Variants in SPATA20 observed in about 807,000 individuals in gnomAD.
SPATA20 encodes spermatogenesis-associated protein 20.
A neutral mutation model predicts 98.9 loss-of-function variants in SPATA20; 74 were observed. The ratio of observed to expected loss-of-function variants is 0.75; its 90% CI spans 0.62 to 0.91. SPATA20 has a LOEUF of 0.91. Among genes scored for constraint, SPATA20 ranks in the 40% least tolerant of loss-of-function variants. SPATA20 has a pLI of 0.00. For synonymous variants in SPATA20, 430 were observed against 440.5 expected, an observed-to-expected ratio of 0.98 and a Z score of 0.30; for missense variants, 1,016 against 1,069.8, an observed-to-expected ratio of 0.95 and a Z score of 0.70.
chr17:50,554,885 C>CTGTGTG lies in SPATA20; in HGVS notation c.2158-308_2158-303dup, dbSNP rs3062812. 2.7e-3 allele frequency among the ~76,000 whole-genome samples: 382 copies of CTGTGTG among 141,530 alleles called. 1 individual carries two copies. The highest frequency in any genetic ancestry group is 3.6e-3 in the Middle Eastern group (1 of 276). 92.8% of individuals were successfully genotyped at this position (141,530 alleles called of 152,430 possible). On this transcript the variant is annotated intron_variant, in intron 15 of 16. Coordinates refer to ENST00000006658, the MANE Select transcript of SPATA20 (RefSeq NM_022827.4). The stretch of plus-strand genomic sequence containing the variant: ...GTATCTGCCTCTGTGTGGGCATCTA[C>CTGTGTG]TGTGTGTGTGTGTGTGTGTGTGTGT...
chr17:50,553,521 C>T (rs1367855409), intron 14 of SPATA20, among the ~76,000 whole-genome samples: 3 of 150,496 alleles, frequency 2.0e-5, no homozygotes, highest in Admixed American at 6.6e-5. Context: ...AGGAGGGCAC[C>T]GAGGAGAATG....
chr17:50,553,610 C>G lies in SPATA20; in HGVS notation c.1958-641C>G, dbSNP rs1205972525. On this transcript the variant is annotated intron_variant, in intron 14 of 16. Transcript: ENST00000006658. ...AGAAGGCTGGTCTCAAACTCCTGGG[C>G]TCAGGTGATCCTCCCGCCTCGGCTT... is the stretch of plus-strand genomic sequence containing the variant. Among the ~76,000 whole-genome samples, 3 of 148,268 alleles carry G rather than the reference C, an allele frequency of 2.0e-5. No individual in the cohort carries two copies. The East Asian group carries it at 6.3e-4, about 31-fold the overall frequency.
rs2035026631 is a variant in SPATA20 at position 50,552,117 on chromosome 17, G to C, written c.1894G>C (p.Gly632Arg). ...TQDKLFWDSQ[G>R]GGYFCSEAEL... Reference sequence around the variant, plus strand: ...GGACAAGCTCTTTTGGGACTCCCAGGGTGGCGGCTACTTCTGCAGTGAGGC... The same window carrying C: ...GGACAAGCTCTTTTGGGACTCCCAGCGTGGCGGCTACTTCTGCAGTGAGGC... Residue 632 changes from glycine to arginine, a missense_variant, in exon 14 of 17, where the codon GGT (glycine) becomes CGT (arginine). Physicochemically the swap from Gly to Arg is moderately radical, Grantham distance 125. Coordinates refer to ENST00000006658, the MANE Select transcript of SPATA20 (RefSeq NM_022827.4). 6.2e-7 allele frequency: 1 copy of C among 1,613,838 alleles called. No homozygotes were observed. The highest frequency in any genetic ancestry group is 2.2e-5 in the East Asian group (1 of 44,876).
rs1204146239 is a variant in SPATA20 at position 50,552,094 on chromosome 17, A to G, written c.1871A>G (p.Asp624Gly). 1.2e-6 allele frequency: 2 copies of G among 1,613,754 alleles called. No individual in the cohort carries two copies. The highest frequency in any genetic ancestry group is 1.7e-6 in the Non-Finnish European group (2 of 1,179,964). Residue 624 changes from aspartate to glycine, a missense_variant, in exon 14 of 17, where the codon GAC (aspartate) becomes GGC (glycine). Physicochemically the swap from Asp to Gly is moderately conservative, Grantham distance 94 (BLOSUM62 -1). Coordinates refer to ENST00000006658, the MANE Select transcript of SPATA20 (RefSeq NM_022827.4). ...EWALRLQDTQ[D>G]KLFWDSQGGG... ...GCTCTGCGGCTGCAGGACACACAGG[A>G]CAAGCTCTTTTGGGACTCCCAGGGT...
At chr17:50,548,696 C>T (rs995906101) in intron 4 of SPATA20, 78 bp downstream of exon 4, 48 of 1,585,984 alleles carry the variant, frequency 3.0e-5, no homozygotes, top group Admixed American at 7.0e-5. Flanking sequence ...CTCGGCCTGG[C>T]GGGTCTTCCA....
rs770617250 is a variant in SPATA20, at chr17:50,555,309, C to T, written c.2235C>T (p.Asn745=). The T allele has an allele frequency of 6.2e-7, 1 of 1,613,874 alleles. No homozygotes were observed. Among genetic ancestry groups the T allele is most frequent in the Admixed American group, 1.7e-5 (1 of 60,000 alleles). Residue 745 remains asparagine, a synonymous_variant, in exon 16 of 17, where the codon AAC becomes AAT. Transcript: ENST00000006658. ...GCGTCCACTCTGTCTACATTCCTAACAAGGTACCCATCCCTGTGAGCCCAA... is the reference window on the plus strand; with the variant it reads ...GCGTCCACTCTGTCTACATTCCTAATAAGGTACCCATCCCTGTGAGCCCAA... ...VQCVHSVYIP[N]KVLILADGDP...
rs1361557185 is a variant in SPATA20, at chr17:50,555,516, C to A, written c.2263C>A (p.Pro755Thr). Residue 755 changes from proline to threonine, a missense_variant, in exon 17 of 17, where the codon CCC (proline) becomes ACC (threonine). Transcript: ENST00000006658. ...GGTGCTGATTCTGGCTGATGGGGAC[C>A]CCTCGAGCTTCCTGTCCCGCCAGCT... ...NKVLILADGDPSSFLSRQLPF... is the reference protein window; with the variant it reads ...NKVLILADGDTSSFLSRQLPF... The A allele has an allele frequency of 5.0e-6, 8 of 1,613,854 alleles. No homozygotes were observed. The African/African-American group carries it at 1.1e-4, about 22-fold the overall frequency.
intron 13 of SPATA20, 30 bp downstream of exon 13, chr17:50,551,709 G>A (rs552273972): frequency 2.7e-5 from 42 of 1,574,354 alleles, no homozygotes; most frequent in African/African-American, 2.0e-4. Flanking sequence ...GGGAGGGCCC[G>A]TCTCCCCAAC....
In SPATA20 at chr17:50,550,106, T is replaced by C. The variant is rs137930981; in HGVS notation, c.984T>C (p.His328=). 6.2e-7 allele frequency: 1 copy of C among 1,612,786 alleles called. No homozygotes were observed. Among genetic ancestry groups the C allele is most frequent in the Non-Finnish European group, 8.5e-7 (1 of 1,179,590 alleles). The change falls in exon 8 of 17, where the codon CAT becomes CAC. Residue 328 remains histidine, a synonymous_variant. Transcript: ENST00000006658. The stretch of plus-strand genomic sequence containing the variant: ...TGGCTAACGGGGGCATCCGGGACCA[T>C]GTGGGGCAGGTGACGGGCACTGGGT... ...KMMANGGIRD[H]VGQGFHRYST... is the part of the protein sequence containing the mutation.
intron 12 of SPATA20, 56 bp downstream of exon 12, chr17:50,551,246 CCT>C: frequency 4.7e-6 from 7 of 1,478,692 alleles, no homozygotes; most frequent in East Asian, 2.3e-5. Context: ...TCACAAAGCC[CCT>C]GTCTTTCCGG....
chr17:50,548,745 C>A (rs972997138), intron 4 of SPATA20, 65 bp from the exon 5 acceptor site: 5 of 1,593,332 alleles, frequency 3.1e-6, no homozygotes, highest in Non-Finnish European at 4.3e-6. Context: ...GTAGCCAGGG[C>A]CACTTGGCCA....
Position 50,552,152 on chromosome 17 carries a change from G to A in SPATA20, c.1929G>A (p.Gly643=). 1 of 1,613,758 alleles carries A rather than the reference G, an allele frequency of 6.2e-7. No homozygotes were observed. The highest frequency in any genetic ancestry group is 8.5e-7 in the Non-Finnish European group (1 of 1,180,006). ...GGYFCSEAEL[G]AGLPLRLKDD... ...ACTTCTGCAGTGAGGCTGAGCTGGG[G>A]GCTGGCCTGCCCCTGCGTCTGAAGG... The change falls in exon 14 of 17, where the codon GGG becomes GGA. Residue 643 remains glycine (G), a synonymous_variant. Transcript: ENST00000006658.
intron 12 of SPATA20, 62 bp from the exon 13 acceptor site, chr17:50,551,449 G>T: frequency 6.5e-7 from 1 of 1,532,458 alleles, no homozygotes. Context: ...AAGGTGATAG[G>T]GTGGACATGC....
chr17:50,548,153 T>C, intron 2 of SPATA20, 130 bp from the exon 3 acceptor site: 1 of 1,492,064 alleles, frequency 6.7e-7, no homozygotes, highest in South Asian at 1.3e-5. Flanking sequence ...TCCCCCATGG[T>C]TCAGAAAGGT....
chr17:50,549,162 A>G lies in SPATA20; in HGVS notation c.636A>G (p.Thr212=), dbSNP rs199832098. Reference sequence around the variant, plus strand: ...GCTTGACCCGAGTCGGCTTCCGCACAGTGTTGCTGAGAATACGAGAACAGG... The same window carrying G: ...GCTTGACCCGAGTCGGCTTCCGCACGGTGTTGCTGAGAATACGAGAACAGG... ...EDGLTRVGFR[T]VLLRIREQWK... Residue 212 remains threonine (T), a synonymous_variant, in exon 6 of 17, where the codon ACA becomes ACG. Coordinates refer to ENST00000006658, the MANE Select transcript of SPATA20 (RefSeq NM_022827.4). 6.2e-6 allele frequency: 10 copies of G among 1,600,644 alleles called. No homozygotes were observed. The highest frequency in any genetic ancestry group is 8.5e-6 in the Non-Finnish European group (10 of 1,171,078).
At chr17:50,554,523 AG>A in intron 15 of SPATA20, 73 bp downstream of exon 15, 2 of 1,492,318 alleles carry the variant, frequency 1.3e-6, no homozygotes, top group Non-Finnish European at 9.2e-7. Context: ...AGATGGGAAC[AG>A]GGGGTGGGGT....
intron 2 of SPATA20, 120 bp from the exon 3 acceptor site, chr17:50,548,163 T>C: frequency 1.3e-6 from 2 of 1,490,294 alleles, no homozygotes; most frequent in African/African-American, 2.8e-5. Context: ...TTCAGAAAGG[T>C]GGGTTGGGCT....
chr17:50,554,579 G>A (rs935682601), intron 15 of SPATA20, 129 bp downstream of exon 15: 12 of 912,160 alleles, frequency 1.3e-5, no homozygotes, highest in Admixed American at 5.8e-5. Context: ...GTGCAGGCAC[G>A]TGGCCTGTCA....
At position 50,549,161 on chromosome 17, in the gene SPATA20, C is replaced by T. The variant is rs926650839; in HGVS notation, c.635C>T (p.Thr212Ile). 1.9e-6 allele frequency: 3 copies of T among 1,606,000 alleles called. No individual in the cohort carries two copies. Among genetic ancestry groups the T allele is most frequent in the Non-Finnish European group, 2.6e-6 (3 of 1,175,438 alleles). Residue 212 changes from threonine to isoleucine, a missense_variant, in exon 6 of 17, where the codon ACA (threonine) becomes ATA (isoleucine). Coordinates refer to ENST00000006658, the MANE Select transcript of SPATA20 (RefSeq NM_022827.4). Reference sequence around the variant, plus strand: ...GGCTTGACCCGAGTCGGCTTCCGCACAGTGTTGCTGAGAATACGAGAACAG... The same window carrying T: ...GGCTTGACCCGAGTCGGCTTCCGCATAGTGTTGCTGAGAATACGAGAACAG... ...EDGLTRVGFRTVLLRIREQWK... is the reference protein window; with the variant it reads ...EDGLTRVGFRIVLLRIREQWK...
Sources: allele counts gnomAD v4.1 joint callset (sites outside exome capture counted in the v4.1 genomes callset), GRCh38; gene constraint gnomAD v4.1.1; transcripts MANE v1.5; gene names NCBI Gene and HGNC (gene_info 2026-07-23, HGNC 2026-07-21).